The following SCEL variants were observed in gnomAD, a reference collection of about 807,000 sequenced individuals.
SCEL encodes sciellin.
SCEL carries 113 observed loss-of-function variants against 117.6 expected under a neutral mutation model. The observed-to-expected ratio is 0.96, with a 90% CI of 0.83 to 1.12. The LOEUF (loss-of-function observed/expected upper bound fraction) is 1.12. Ranked by LOEUF, SCEL falls within the 50% of genes most tolerant of loss-of-function variation. SCEL has a pLI of 0.00. For missense variants in SCEL, 785 were observed against 810.8 expected (o/e 0.97, Z 0.39); for synonymous variants, 270 against 256.2 (o/e 1.05, Z -0.51).
chr13:77,571,266 C>T (rs1160327066), intron 8 of SCEL, among the ~76,000 whole-genome samples: 1 of 148,700 alleles, frequency 6.7e-6, no homozygotes, highest in Admixed American at 6.7e-5. Context: ...CACGGTGAAA[C>T]CTCGTCCCAG....
At chr13:77,617,955 C>T (rs2089176974) in intron 26 of SCEL, 49 bp from the exon 27 acceptor site, 1 of 1,596,504 alleles carries the variant, frequency 6.3e-7, no homozygotes, top group Non-Finnish European at 8.6e-7. Flanking sequence ...TAGCACAACC[C>T]CAAAATCTAT....
At chr13:77,621,156 C>T (rs750461917) in intron 27 of SCEL, among the ~76,000 whole-genome samples, 7 of 152,128 alleles carry the variant, frequency 4.6e-5, no homozygotes, top group African/African-American at 1.7e-4. Flanking sequence ...TCAATCCATT[C>T]GCCACCCTGT....
intron 9 of SCEL, among the ~76,000 whole-genome samples, chr13:77,576,576 G>C (rs1014827068): frequency 6.6e-6 from 1 of 152,030 alleles, no homozygotes; most frequent in East Asian, 1.9e-4. Context: ...GTTGCCTTTG[G>C]GTAGCCCACT....
At chr13:77,628,170 G>GTGTGTATATA (rs10700333) in intron 28 of SCEL, among the ~76,000 whole-genome samples, 161 bp downstream of exon 28, 2 of 139,744 alleles carry the variant, frequency 1.4e-5, no homozygotes, top group East Asian at 2.1e-4. Context: ...ATATGTGTGT[G>GTGTGTATATA]TATATATATA....
At chr13:77,543,011 C>T (rs2083790190) in intron 1 of SCEL, among the ~76,000 whole-genome samples, 1 of 152,048 alleles carries the variant, frequency 6.6e-6, no homozygotes, top group Admixed American at 6.5e-5. Flanking sequence ...GTGAATACCA[C>T]CAGGGCAATT....
chr13:77,589,872 A>G (rs1215526386), intron 10 of SCEL, among the ~76,000 whole-genome samples: 3 of 152,186 alleles, frequency 2.0e-5, no homozygotes, highest in Non-Finnish European at 4.4e-5. Flanking sequence ...ACTTGGAAAC[A>G]AATTCAGAGA....
chr13:77,545,248 C>G (rs1202206100), intron 1 of SCEL, among the ~76,000 whole-genome samples: 1 of 152,152 alleles, frequency 6.6e-6, no homozygotes, highest in Non-Finnish European at 1.5e-5. Flanking sequence ...TGGAATGAAA[C>G]TGAAACGTGG....
At chr13:77,608,241 T>G (rs1196559061) in intron 20 of SCEL, 126 bp downstream of exon 20, 2 of 630,408 alleles carry the variant, frequency 3.2e-6, no homozygotes, top group Non-Finnish European at 5.5e-6. Flanking sequence ...CTTACCAGCT[T>G]GGTGTCTTTG....
At chr13:77,559,386 A>T (rs373993849) in intron 3 of SCEL, among the ~76,000 whole-genome samples, 1 of 152,266 alleles carries the variant, frequency 6.6e-6, no homozygotes, top group African/African-American at 2.4e-5. Context: ...CAACATACCC[A>T]GACGTAATGG....
chr13:77,568,672 C>T (rs1043054190), intron 7 of SCEL, among the ~76,000 whole-genome samples: 1 of 152,060 alleles, frequency 6.6e-6, no homozygotes, highest in African/African-American at 2.4e-5. Context: ...TCCTCCACAC[C>T]TCACTTCCTT....
intron 9 of SCEL, among the ~76,000 whole-genome samples, chr13:77,575,806 A>G (rs1180405280): frequency 6.6e-6 from 1 of 152,226 alleles, no homozygotes; most frequent in Non-Finnish European, 1.5e-5. Context: ...CTAAGAATGG[A>G]AATAACCAAT....
intron 9 of SCEL, among the ~76,000 whole-genome samples, chr13:77,587,018 G>A (rs1046763148): frequency 5.3e-5 from 8 of 151,862 alleles, no homozygotes; most frequent in African/African-American, 9.7e-5. Context: ...ATCTTACTAC[G>A]TTTCCTGGGT....
At chr13:77,622,600 AC>A (rs1336754574) in intron 27 of SCEL, among the ~76,000 whole-genome samples, 1 of 152,192 alleles carries the variant, frequency 6.6e-6, no homozygotes, top group African/African-American at 2.4e-5. Context: ...TAGGCCAGGT[AC>A]CTGTAATTCT....
chr13:77,571,170 C>T (rs182945158), intron 8 of SCEL, among the ~76,000 whole-genome samples: 1,891 of 149,990 alleles, frequency 0.013, 22 homozygotes, highest in Non-Finnish European at 0.021. Flanking sequence ...AGGCCGGGCG[C>T]GGTGGCTCAA....
chr13:77,608,361 A>G (rs1404606331), intron 20 of SCEL, among the ~76,000 whole-genome samples: 1 of 152,210 alleles, frequency 6.6e-6, no homozygotes, highest in Non-Finnish European at 1.5e-5. Flanking sequence ...GCACTTTGGG[A>G]GGCCAAGGTG....
At chr13:77,614,468 A>G (rs2088884159) in intron 24 of SCEL, among the ~76,000 whole-genome samples, 2 of 152,196 alleles carry the variant, frequency 1.3e-5, no homozygotes, top group African/African-American at 4.8e-5. Flanking sequence ...CTAAAGTTTA[A>G]TAATTCTTGA....
At chr13:77,588,509 C>T (rs1594037920) in intron 9 of SCEL, among the ~76,000 whole-genome samples, 1 of 152,238 alleles carries the variant, frequency 6.6e-6, no homozygotes, top group East Asian at 1.9e-4. Flanking sequence ...TGACTCCATC[C>T]AAAATGTGCA....
chr13:77,574,331 A>G (rs1042130395), intron 9 of SCEL, among the ~76,000 whole-genome samples: 6 of 152,222 alleles, frequency 3.9e-5, no homozygotes, highest in African/African-American at 1.4e-4. Flanking sequence ...AATGAGTTAC[A>G]ATGTTCCTAT....
At chr13:77,576,405 G>T (rs985804722) in intron 9 of SCEL, among the ~76,000 whole-genome samples, 8 of 151,974 alleles carry the variant, frequency 5.3e-5, no homozygotes, top group Non-Finnish European at 1.2e-4. Flanking sequence ...TTTCTATCAA[G>T]CCATTAAATA....
Sources: allele counts gnomAD v4.1 joint callset (sites outside exome capture counted in the v4.1 genomes callset), GRCh38; gene constraint gnomAD v4.1.1; transcripts MANE v1.5; gene names NCBI Gene and HGNC (gene_info 2026-07-23, HGNC 2026-07-21).